The following CELSR1 variants were observed in gnomAD, a reference collection of about 807,000 sequenced individuals.
CELSR1 encodes the protein adhesion G protein-coupled receptor C1.
A neutral mutation model predicts 249.1 loss-of-function variants in CELSR1; 110 were observed. The ratio of observed to expected loss-of-function variants is 0.44; its 90% CI spans 0.38 to 0.52. The LOEUF (loss-of-function observed/expected upper bound fraction) is 0.52, where lower values mean the gene tolerates loss of function less well. Among genes scored for constraint, CELSR1 ranks in the 20% least tolerant of loss-of-function variants. The pLI is 0.00. For missense variants in CELSR1, 4,109 were observed against 4,296.4 expected (o/e 0.96, Z 1.22); for synonymous variants, 2,113 against 1,900.0 (o/e 1.11, Z -2.92).
Position 46,461,617 on chromosome 22 carries a change from T to C in CELSR1, c.4183+2090A>G, listed in dbSNP as rs572332096. On this transcript the variant is annotated intron_variant, in intron 2 of 34. Coordinates refer to ENST00000674500, the MANE Select transcript of CELSR1 (RefSeq NM_001378328.1). The stretch of plus-strand genomic sequence containing the variant: ...GTGCTTGCACAGTCCCCTCTACCCA[T>C]GAAAAAGCCAACGGCACAGATGAAC... Among the ~76,000 whole-genome samples the C allele has an allele frequency of 2.7e-3, 405 of 152,298 alleles. 2 individuals carry two copies. The highest frequency in any genetic ancestry group is 4.9e-3 in the Non-Finnish European group (333 of 68,014).
At position 46,381,862 on chromosome 22, in the gene CELSR1, C is replaced by G. The variant is rs753196502; in HGVS notation, c.7072G>C (p.Asp2358His). 2 of 1,561,974 alleles carry G rather than the reference C, an allele frequency of 1.3e-6. No individual in the cohort carries two copies. Among genetic ancestry groups the G allele is most frequent in the South Asian group, 2.3e-5 (2 of 85,150 alleles). The change falls in exon 21 of 35, where the codon GAC becomes CAC. Residue 2358 changes from aspartate to histidine, a missense_variant. By Grantham distance (81) the Asp-to-His change is moderately conservative (BLOSUM62 -1). Coordinates refer to ENST00000674500, the MANE Select transcript of CELSR1 (RefSeq NM_001378328.1). This position sits in a 1 kb window ranked among gnomAD's most constrained non-coding sequence, Gnocchi z 6.0. ...AGGCCTTACCGGAGGCTGCGACGGT[C>G]GGGGTCGTAGCGCTCGGGCAGGAGC... ...GQLLPERYDPDRRSLRLPHRP... is the reference protein window; with the variant it reads ...GQLLPERYDPHRRSLRLPHRP...
intron 1 of CELSR1, among the ~76,000 whole-genome samples, chr22:46,507,100 C>T (rs905193146): frequency 4.6e-5 from 7 of 152,144 alleles, no homozygotes; most frequent in Non-Finnish European, 1.0e-4. Flanking sequence ...GCTGGAGGAT[C>T]GCTTGAACCA....
Position 46,393,754 on chromosome 22 carries a change from A to G in CELSR1, c.5964+388T>C, listed in dbSNP as rs2079119245. On this transcript the variant is annotated intron_variant, in intron 14 of 34. Coordinates refer to ENST00000674500, the MANE Select transcript of CELSR1 (RefSeq NM_001378328.1). The surrounding 1 kb of genome is among the most constrained non-coding windows in gnomAD (Gnocchi z 4.1). ...CTCTGTCTCAAAAAAAAAAAAAAAA[A>G]GACCAGGAAAATGGCCAACCAGGAG... Among the ~76,000 whole-genome samples the G allele has an allele frequency of 6.6e-6, 1 of 150,970 alleles. No individual in the cohort carries two copies. The highest frequency in any genetic ancestry group is 1.5e-5 in the Non-Finnish European group (1 of 67,780).
Position 46,415,895 on chromosome 22 carries a change from G to C in CELSR1, c.4612-4136C>G, listed in dbSNP as rs141417300. Among the ~76,000 whole-genome samples the C allele has an allele frequency of 1.4e-3, 212 of 152,318 alleles. 2 individuals carry two copies. Among genetic ancestry groups the C allele is most frequent in the African/African-American group, 4.7e-3 (194 of 41,552 alleles). On this transcript the variant is annotated intron_variant, in intron 5 of 34. Transcript: ENST00000674500. Reference sequence around the variant, plus strand: ...ACAGCAGCAGATGTGTGTGATCTGGGCTCAGATCATCCATTTTTGTCAAAG... The same window carrying C: ...ACAGCAGCAGATGTGTGTGATCTGGCCTCAGATCATCCATTTTTGTCAAAG...
chr22:46,515,340 C>G (rs2080616002), intron 1 of CELSR1, among the ~76,000 whole-genome samples: 1 of 152,262 alleles, frequency 6.6e-6, no homozygotes, highest in Non-Finnish European at 1.5e-5. Context: ...CAGTGCGTAT[C>G]ACAAAGGCTA....
intron 19 of CELSR1, among the ~76,000 whole-genome samples, chr22:46,385,969 G>C (rs9615976): frequency 9.7e-5 from 14 of 144,434 alleles, no homozygotes; most frequent in African/African-American, 3.5e-4. Context: ...GAGCCACCGC[G>C]CCCGGCTTTT....
intron 2 of CELSR1, among the ~76,000 whole-genome samples, chr22:46,458,211 G>T (rs917663007): frequency 6.6e-6 from 1 of 152,176 alleles, no homozygotes; most frequent in Admixed American, 6.5e-5. Context: ...TGTCCCGAAG[G>T]CCAGAGTGAC....
chr22:46,419,026 A>C (rs1173393983), intron 5 of CELSR1, among the ~76,000 whole-genome samples: 1 of 152,112 alleles, frequency 6.6e-6, no homozygotes, highest in Non-Finnish European at 1.5e-5. Context: ...CGTGGTAGTT[A>C]ATTTTGTTCT....
chr22:46,369,018 C>T (rs976068601), intron 27 of CELSR1, 161 bp downstream of exon 27: 12 of 635,280 alleles, frequency 1.9e-5, no homozygotes, highest in African/African-American at 5.5e-5. Flanking sequence ...GCAGGTGCAA[C>T]GTGGCAAACC....
chr22:46,511,690 G>A (rs5768865), intron 1 of CELSR1, among the ~76,000 whole-genome samples: 18,273 of 152,138 alleles, frequency 0.12, 1,212 homozygotes, highest in African/African-American at 0.17. Context: ...CGGGCATCAC[G>A]GGACACCCCA....
chr22:46,389,653 C>T (rs759442780), intron 17 of CELSR1, among the ~76,000 whole-genome samples, 154 bp from the exon 18 acceptor site: 3 of 152,246 alleles, frequency 2.0e-5, no homozygotes, highest in African/African-American at 4.8e-5. Flanking sequence ...TGGTGGCTCA[C>T]GCCTGTAATC....
chr22:46,478,523 G>A (rs2008143), intron 1 of CELSR1, among the ~76,000 whole-genome samples: 99,185 of 151,618 alleles, frequency 0.65, 33,215 homozygotes, highest in East Asian at 0.85. Context: ...GCCCAAGAGA[G>A]CTGTGGACAA....
Position 46,364,759 on chromosome 22 carries a change from A to T in CELSR1, c.8555-23T>A, listed in dbSNP as rs570084488. 17 of 1,601,938 alleles carry T rather than the reference A, an allele frequency of 1.1e-5. No homozygotes were observed. The East Asian group carries it at 3.4e-4, about 32-fold the overall frequency. ...CCCCTGAGGCACGAGAGCGGTGCTC[A>T]GCAGGCAGCGGCACTGCCACTCGAG... On this transcript the variant is annotated intron_variant, in intron 32 of 34. Transcript: ENST00000674500.
chr22:46,411,004 G>A lies in CELSR1; in HGVS notation c.4770-443C>T, dbSNP rs977276778. ...GGGCAGATCACGAGGTCAAGAGATC[G>A]AGACCATCCTGGCCAACAGGATGGT... On this transcript the variant is annotated intron_variant, in intron 6 of 34. Transcript: ENST00000674500. This position sits in a 1 kb window ranked among gnomAD's most constrained non-coding sequence, Gnocchi z 4.2. Among the ~76,000 whole-genome samples the A allele has an allele frequency of 7.2e-5, 11 of 152,090 alleles. No homozygotes were observed. In the South Asian group the frequency reaches 8.3e-4, roughly 12 times the overall value.
chr22:46,444,564 T>A (rs1047378237), intron 2 of CELSR1, among the ~76,000 whole-genome samples: 1 of 152,186 alleles, frequency 6.6e-6, no homozygotes, highest in East Asian at 1.9e-4. Flanking sequence ...CTCCATGGAA[T>A]TGTTGGTTTG....
rs898938478 is a variant in CELSR1 at position 46,440,054 on chromosome 22, T to C, written c.4184-643A>G. Among the ~76,000 whole-genome samples the C allele has an allele frequency of 6.6e-6, 1 of 152,132 alleles. No individual in the cohort carries two copies. The highest frequency in any genetic ancestry group is 1.5e-5 in the Non-Finnish European group (1 of 68,020). On this transcript the variant is annotated intron_variant, in intron 2 of 34. Transcript: ENST00000674500. The surrounding 1 kb of genome is among the most constrained non-coding windows in gnomAD (Gnocchi z 4.7). ...AAGGGCAGGCACCACCCTACTCTGA[T>C]GTCCTTCCTAGAGTTTAAACTCTTT...
chr22:46,422,036 T>A (rs1434184263), intron 5 of CELSR1, among the ~76,000 whole-genome samples: 1 of 152,282 alleles, frequency 6.6e-6, no homozygotes, highest in Non-Finnish European at 1.5e-5. Flanking sequence ...TTGCAAGGCT[T>A]AATTAACTTT....
chr22:46,368,615 C>T (rs1028196888), intron 27 of CELSR1, among the ~76,000 whole-genome samples: 10 of 140,534 alleles, frequency 7.1e-5, no homozygotes, highest in African/African-American at 3.3e-4. Flanking sequence ...TGTTGTCTGA[C>T]AGATGCCCCC....
In CELSR1 at chr22:46,364,183, G is replaced by A. The variant is rs775308301; in HGVS notation, c.8848C>T (p.Leu2950Phe). The change falls in exon 34 of 35, where the codon CTC (leucine) becomes TTC (phenylalanine). Residue 2950 changes from leucine (L) to phenylalanine (F), a missense_variant. Leu to Phe is a conservative substitution (Grantham distance 22). Coordinates refer to ENST00000674500, the MANE Select transcript of CELSR1 (RefSeq NM_001378328.1). ...TCACAGTCGGCCAGCTTCTCCCGGAGCCGGCCCTTCAGCGTCTGCTCCGTC... is the reference window on the plus strand; with the variant it reads ...TCACAGTCGGCCAGCTTCTCCCGGAACCGGCCCTTCAGCGTCTGCTCCGTC... ...TLTEQTLKGR[L>F]REKLADCEQS... The A allele has an allele frequency of 6.2e-7, 1 of 1,612,186 alleles. No individual in the cohort carries two copies. Among genetic ancestry groups the A allele is most frequent in the Non-Finnish European group, 8.5e-7 (1 of 1,179,846 alleles).
Sources: gnomAD v4.1 joint callset for allele counts (sites outside exome capture counted in the v4.1 genomes callset) on GRCh38, gnomAD v4.1.1 for gene constraint, Gnocchi (gnomAD v3.1) non-coding constraint, MANE v1.5 for transcripts, NCBI Gene and HGNC (gene_info 2026-07-23, HGNC 2026-07-21) for gene names.